CEP44: variants seen among roughly 807,000 people sequenced by gnomAD.
The protein encoded by CEP44 is centrosomal protein of 44 kDa.
Under a neutral mutation model 46.7 loss-of-function variants are expected in CEP44, and 45 were observed. That is an observed-to-expected ratio of 0.96 (90% confidence interval 0.76 to 1.24). The LOEUF (loss-of-function observed/expected upper bound fraction) is 1.24. Ranked by LOEUF, CEP44 falls within the 50% of genes most tolerant of loss-of-function variation. The probability of loss-of-function intolerance (pLI) is 0.00; values close to 1 mark genes in which losing one functional copy is unlikely to be tolerated. For synonymous variants in CEP44, 142 were observed against 146.0 expected, an observed-to-expected ratio of 0.97 and a Z score of 0.20; for missense variants, 475 against 459.7, an observed-to-expected ratio of 1.03 and a Z score of -0.30.
Position 174,308,865 on chromosome 4 carries a change from A to C in CEP44, c.678+6A>C, listed in dbSNP as rs1740754771. On this transcript the variant is annotated splice_donor_region_variant and intron_variant, in intron 7 of 11. Transcript: ENST00000503780. ...AAATCAAGGCTGAGCAACAGGTAACAACTTTGGACTTTTTAAATAGATGCC... is the reference window on the plus strand; with the variant it reads ...AAATCAAGGCTGAGCAACAGGTAACCACTTTGGACTTTTTAAATAGATGCC... 1 of 1,609,982 alleles carries C rather than the reference A, an allele frequency of 6.2e-7. No homozygotes were observed. The highest frequency in any genetic ancestry group is 1.3e-5 in the African/African-American group (1 of 74,624).
intron 3 of CEP44, among the ~76,000 whole-genome samples, chr4:174,299,713 A>G (rs1739486065): frequency 6.6e-6 from 1 of 152,160 alleles, no homozygotes; most frequent in South Asian, 2.1e-4. Context: ...TTTTTTGTGT[A>G]TGGCAACCTG....
rs1731303747 is a variant in CEP44, at chr4:174,331,196, A to G, written c.1087-286A>G. Among the ~76,000 whole-genome samples, 1 of 152,074 alleles carries G rather than the reference A, an allele frequency of 6.6e-6. No homozygotes were observed. Among genetic ancestry groups the G allele is most frequent in the Admixed American group, 6.5e-5 (1 of 15,268 alleles). On this transcript the variant is annotated intron_variant, in intron 8 of 8. Transcript: ENST00000426172. This position sits in a 1 kb window ranked among gnomAD's most constrained non-coding sequence, Gnocchi z 4.5. ...TTACCAATTTTTTAATTAAAGTAAG[A>G]CAATTGCATAGATTTCTTATTGCCA...
rs1738071367 is a variant in CEP44 at position 174,290,467 on chromosome 4, C to A, written c.-148+6524C>A. 6.6e-6 allele frequency among the ~76,000 whole-genome samples: 1 copy of A among 150,918 alleles called. No homozygotes were observed. The highest frequency in any genetic ancestry group is 1.5e-5 in the Non-Finnish European group (1 of 67,502). ...CTTGTTTTGTGACCTAGGCTGTGAT[C>A]AGTTATAGAGAATGTTTCATGTCCT... On this transcript the variant is annotated intron_variant, in intron 1 of 11. Coordinates refer to ENST00000503780, the MANE Select transcript of CEP44 (RefSeq NM_001040157.3). This position sits in a 1 kb window ranked among gnomAD's most constrained non-coding sequence, Gnocchi z 4.3.
intron 9 of CEP44, among the ~76,000 whole-genome samples, chr4:174,315,840 CAAA>C (rs58586936): frequency 6.3e-5 from 6 of 95,748 alleles, no homozygotes; most frequent in South Asian, 3.5e-4. Flanking sequence ...GACTCCGTCT[CAAA>C]AAAAAAAAAA....
chr4:174,302,428 C>A (rs1739838011), intron 4 of CEP44, among the ~76,000 whole-genome samples: 1 of 151,936 alleles, frequency 6.6e-6, no homozygotes, highest in African/African-American at 2.4e-5. Flanking sequence ...CTATTGTTTG[C>A]CCTTTTTAAT....
intron 7 of CEP44, 55 bp downstream of exon 7, chr4:174,308,914 T>A: frequency 6.9e-7 from 1 of 1,442,434 alleles, no homozygotes; most frequent in Non-Finnish European, 9.7e-7. Context: ...TAAATATGTG[T>A]AATTATTTCA....
At position 174,329,655 on chromosome 4, in the gene CEP44, G is replaced by C. The variant is rs983611593; in HGVS notation, c.1087-1827G>C. ...GAAACCAAAGGGGAAAAGTTCAAAA[G>C]GTACTTCATAACTTTTTTTTTTAGG... On this transcript the variant is annotated intron_variant, in intron 8 of 8. Coordinates refer to the CEP44 transcript ENST00000426172. This position sits in a 1 kb window ranked among gnomAD's most constrained non-coding sequence, Gnocchi z 4.0. Among the ~76,000 whole-genome samples, 6 of 151,974 alleles carry C rather than the reference G, an allele frequency of 3.9e-5. No homozygotes were observed. The highest frequency in any genetic ancestry group is 7.2e-5 in the African/African-American group (3 of 41,380).
intron 3 of CEP44, among the ~76,000 whole-genome samples, chr4:174,300,127 C>T (rs1739545834): frequency 1.3e-5 from 2 of 152,074 alleles, no homozygotes; most frequent in South Asian, 4.1e-4. Context: ...TAGAGGGAAA[C>T]TTGTAAGTAG....
At chr4:174,298,600 A>C (rs1280803539) in intron 2 of CEP44, among the ~76,000 whole-genome samples, 1 of 152,166 alleles carries the variant, frequency 6.6e-6, no homozygotes, top group Non-Finnish European at 1.5e-5. Flanking sequence ...TTTAGTTTTT[A>C]GGAAAGGTAT....
downstream of CEP44, among the ~76,000 whole-genome samples, chr4:174,323,937 A>G (rs1041299033): frequency 6.6e-6 from 1 of 152,110 alleles, no homozygotes; most frequent in African/African-American, 2.4e-5. Context: ...TAAGGAAACT[A>G]GTGGAAGTTT....
exon 9 of CEP44, chr4:174,332,069 AG>A (rs1560929803): frequency 6.5e-6 from 1 of 153,708 alleles, no homozygotes; most frequent in East Asian, 1.9e-4. Context: ...ATGTCTATTA[AG>A]ATCACACATA....
rs1431780491 is a variant in CEP44, at chr4:174,305,292, A to G, written c.507+923A>G. On this transcript the variant is annotated intron_variant, in intron 6 of 11. Transcript: ENST00000503780. ...AGCATGGCGAAACCCCATTTCTACT[A>G]AAAATACAAAAATTAGCTAGGCGTG... Among the ~76,000 whole-genome samples the G allele has an allele frequency of 5.3e-5, 8 of 152,218 alleles. No individual in the cohort carries two copies. In the East Asian group the frequency reaches 1.5e-3, roughly 29 times the overall value.
downstream of CEP44, among the ~76,000 whole-genome samples, chr4:174,324,729 A>G (rs1333553850): frequency 6.6e-6 from 1 of 152,166 alleles, no homozygotes; most frequent in Non-Finnish European, 1.5e-5. Flanking sequence ...ACTCCTTAAC[A>G]GAGGGACCAG....
chr4:174,331,795 T>C lies in CEP44; in HGVS notation c.*200T>C, dbSNP rs532502001. 14 of 598,146 alleles carry C rather than the reference T, an allele frequency of 2.3e-5. No individual in the cohort carries two copies. The highest frequency in any genetic ancestry group is 3.8e-5 in the Admixed American group (1 of 26,010). The allele number at this position is 598,146 out of a possible 1,614,324, so 37.1% of individuals were successfully genotyped here. A position where few individuals can be genotyped will look rare whatever the true frequency, so the allele number is the denominator to read the frequency against. Reference sequence around the variant, plus strand: ...TTAGTTGTTTGTCTAATTTCTATTTTCCAGAAATTTCTCAAAATGTCTGCT... The same window carrying C: ...TTAGTTGTTTGTCTAATTTCTATTTCCCAGAAATTTCTCAAAATGTCTGCT... On this transcript the variant is annotated 3_prime_UTR_variant, in exon 9 of 9. Coordinates refer to the CEP44 transcript ENST00000426172. The surrounding 1 kb of genome is among the most constrained non-coding windows in gnomAD (Gnocchi z 4.5).
In CEP44 at chr4:174,288,524, T is replaced by G. The variant is rs906271246; in HGVS notation, c.-148+4581T>G. On this transcript the variant is annotated intron_variant, in intron 1 of 11. Transcript: ENST00000503780. This position sits in a 1 kb window ranked among gnomAD's most constrained non-coding sequence, Gnocchi z 4.6. Reference sequence around the variant, plus strand: ...TTTCACATACATTGAGATAATACAGTATTTGTCTTTTTGTGTTTAGCTTAT... The same window carrying G: ...TTTCACATACATTGAGATAATACAGGATTTGTCTTTTTGTGTTTAGCTTAT... 6.6e-6 allele frequency among the ~76,000 whole-genome samples: 1 copy of G among 152,138 alleles called. No homozygotes were observed. Among genetic ancestry groups the G allele is most frequent in the African/African-American group, 2.4e-5 (1 of 41,436 alleles).
rs17060456 is a variant in CEP44 at position 174,310,559 on chromosome 4, C to G, written c.886-224C>G. ...CTCAGGATTTCAATTTCTGGTCTGT[C>G]TTTCCTTCCTAGAAGGTGAAGTCAA... On this transcript the variant is annotated intron_variant, in intron 8 of 11. Transcript: ENST00000503780. The surrounding 1 kb of genome is among the most constrained non-coding windows in gnomAD (Gnocchi z 4.2). Among the ~76,000 whole-genome samples, 1,282 of 151,852 alleles carry G rather than the reference C, an allele frequency of 8.4e-3. 19 individuals are homozygous for G. Among genetic ancestry groups the G allele is most frequent in the African/African-American group, 0.03 (1,233 of 41,502 alleles).
At position 174,295,103 on chromosome 4, in the gene CEP44, A is replaced by C. The variant is rs1738795721; in HGVS notation, c.-147-2863A>C. On this transcript the variant is annotated intron_variant, in intron 1 of 11. Coordinates refer to ENST00000503780, the MANE Select transcript of CEP44 (RefSeq NM_001040157.3). Reference sequence around the variant, plus strand: ...GCTGATCCCCCCACCTCCCTCCCGGACGGGGCGGCTGGCCTGGCGGGGGCT... The same window carrying C: ...GCTGATCCCCCCACCTCCCTCCCGGCCGGGGCGGCTGGCCTGGCGGGGGCT... Among the ~76,000 whole-genome samples the C allele has an allele frequency of 2.1e-5, 3 of 145,466 alleles. No individual in the cohort carries two copies. The South Asian group carries it at 6.9e-4, about 34-fold the overall frequency.
Position 174,317,508 on chromosome 4 carries a change from T to C in CEP44, c.*125T>C, listed in dbSNP as rs1741875465. 2 of 1,215,478 alleles carry C rather than the reference T, an allele frequency of 1.6e-6. No individual in the cohort carries two copies. The highest frequency in any genetic ancestry group is 7.2e-5 in the Admixed American group (2 of 27,646). 75.3% of individuals were successfully genotyped at this position (1,215,478 alleles called of 1,614,324 possible). A position where few individuals can be genotyped will look rare whatever the true frequency, so the allele number is the denominator to read the frequency against. On this transcript the variant is annotated 3_prime_UTR_variant, in exon 12 of 12. Coordinates refer to ENST00000503780, the MANE Select transcript of CEP44 (RefSeq NM_001040157.3). ...TTTTGACAATTTGGATTCCATTTGGTATATGAATTTTTGCATTCATTATTG... is the reference window on the plus strand; with the variant it reads ...TTTTGACAATTTGGATTCCATTTGGCATATGAATTTTTGCATTCATTATTG...
rs1731337483 is a variant in CEP44, at chr4:174,331,880, G to A, written c.*285G>A. ...ATAGCTTTCATATTTCTTTATTATTGTAAATGGGGGCTGTGGAAGGTGAGA... is the reference window on the plus strand; with the variant it reads ...ATAGCTTTCATATTTCTTTATTATTATAAATGGGGGCTGTGGAAGGTGAGA... On this transcript the variant is annotated 3_prime_UTR_variant, in exon 9 of 9. Transcript: ENST00000426172. The surrounding 1 kb of genome is among the most constrained non-coding windows in gnomAD (Gnocchi z 4.5). The A allele has an allele frequency of 3.3e-6, 1 of 298,992 alleles. No individual in the cohort carries two copies. Among genetic ancestry groups the A allele is most frequent in the Non-Finnish European group, 6.1e-6 (1 of 163,308 alleles). 18.5% of individuals were successfully genotyped at this position (298,992 alleles called of 1,614,324 possible).
Sources: allele counts gnomAD v4.1 joint callset (sites outside exome capture counted in the v4.1 genomes callset), GRCh38; gene constraint gnomAD v4.1.1; non-coding constraint Gnocchi (gnomAD v3.1); transcripts MANE v1.5; gene names NCBI Gene and HGNC (gene_info 2026-07-23, HGNC 2026-07-21).